RNF8: variants seen among roughly 807,000 people sequenced by gnomAD.
RNF8 encodes ring finger protein 8.
Under a neutral mutation model 59.3 loss-of-function variants are expected in RNF8, and 8 were observed. That is an observed-to-expected ratio of 0.13 (90% CI 0.08 to 0.24). The LOEUF is 0.24. Among genes scored for constraint, RNF8 ranks in the 10% least tolerant of loss-of-function variants. RNF8 has a pLI of 1.00. For synonymous variants in RNF8, 162 were observed against 200.0 expected, an observed-to-expected ratio of 0.81 and a Z score of 1.60; for missense variants, 406 against 572.6, an observed-to-expected ratio of 0.71 and a Z score of 2.97.
intron 4 of RNF8, 151 bp from the exon 5 acceptor site, chr6:37,374,469 A>G: frequency 1.6e-6 from 1 of 607,888 alleles, no homozygotes; most frequent in South Asian, 2.0e-5. Context: ...AAGATAGCCC[A>G]ATGGAATAAA....
intron 7 of RNF8, among the ~76,000 whole-genome samples, chr6:37,385,855 ATTTTTTTTT>A (rs771282241): frequency 8.5e-6 from 1 of 117,196 alleles, no homozygotes; most frequent in African/African-American, 3.0e-5. Context: ...TTCCTTTGTC[ATTTTTTTTT>A]TTTTTTTTGA....
chr6:37,377,841 G>C (rs1170202483), intron 6 of RNF8, among the ~76,000 whole-genome samples: 2 of 152,236 alleles, frequency 1.3e-5, no homozygotes, highest in Non-Finnish European at 2.9e-5. Flanking sequence ...CAGGGACTCT[G>C]AGGCTCCTTA....
intron 1 of RNF8, 147 bp downstream of exon 1, chr6:37,354,422 T>G (rs1444795594): frequency 1.6e-4 from 83 of 510,922 alleles, no homozygotes; most frequent in African/African-American, 6.8e-4. Flanking sequence ...GTGGGGGGGG[T>G]GGATTCCTGG....
In RNF8 at chr6:37,368,752, C is replaced by T; in HGVS notation, c.509C>T (p.Ser170Leu). ...ELAGPGAEGP[S>L]NLKSKINKVS... ...GCAGGTCCTGGAGCTGAAGGCCCCT[C>T]AAATTTGAAATCCAAAATAAATAAA... The change falls in exon 3 of 8, where the codon TCA becomes TTA. Residue 170 changes from serine to leucine, a missense_variant. Coordinates refer to ENST00000373479, the MANE Select transcript of RNF8 (RefSeq NM_003958.4). 6.2e-7 allele frequency: 1 copy of T among 1,614,184 alleles called. No homozygotes were observed. The highest frequency in any genetic ancestry group is 8.5e-7 in the Non-Finnish European group (1 of 1,180,050).
intron 7 of RNF8, among the ~76,000 whole-genome samples, chr6:37,384,534 T>G (rs528280565): frequency 1.3e-5 from 2 of 152,324 alleles, no homozygotes; most frequent in African/African-American, 4.8e-5. Context: ...TGTGAACTAT[T>G]GTGTGAATCT....
At chr6:37,362,636 G>C (rs1390114591) in intron 2 of RNF8, among the ~76,000 whole-genome samples, 1 of 152,130 alleles carries the variant, frequency 6.6e-6, no homozygotes, top group Non-Finnish European at 1.5e-5. Context: ...CTTCCTCCTG[G>C]CATGATGCCA....
chr6:37,355,508 CA>C (rs1288779175), intron 1 of RNF8, among the ~76,000 whole-genome samples: 55 of 152,228 alleles, frequency 3.6e-4, no homozygotes, highest in African/African-American at 1.3e-3. Context: ...TACAATGAAG[CA>C]GTCATCGTAT....
chr6:37,386,553 G>A (rs535228518), intron 7 of RNF8, among the ~76,000 whole-genome samples: 1 of 152,316 alleles, frequency 6.6e-6, no homozygotes, highest in East Asian at 1.9e-4. Flanking sequence ...CCAGAGTTGA[G>A]AGATCCAGGG....
chr6:37,384,131 A>ATTTTT (rs70977654), intron 7 of RNF8, among the ~76,000 whole-genome samples: 4 of 124,032 alleles, frequency 3.2e-5, no homozygotes, highest in African/African-American at 1.2e-4. Context: ...CCTTGCTACT[A>ATTTTT]TTTTTTTTTT....
intron 2 of RNF8, chr6:37,361,184 T>C (rs1053239236): frequency 1.6e-4 from 71 of 452,128 alleles, no homozygotes; most frequent in African/African-American, 1.3e-3. Context: ...GTACCTAATG[T>C]GCTGGGTGTG....
chr6:37,390,657 CAG>C, intron 7 of RNF8, 83 bp from the exon 8 acceptor site: 1 of 944,450 alleles, frequency 1.1e-6, no homozygotes, highest in Admixed American at 1.8e-5. Context: ...GAGGAAGAGA[CAG>C]GGTGGCGAGG....
intron 2 of RNF8, among the ~76,000 whole-genome samples, chr6:37,366,393 C>T (rs1254284833): frequency 2.0e-5 from 3 of 152,200 alleles, no homozygotes; most frequent in Non-Finnish European, 4.4e-5. Context: ...CCATCCCTCT[C>T]TGTTGTTATT....
At chr6:37,355,338 G>C (rs1344344720) in intron 1 of RNF8, among the ~76,000 whole-genome samples, 5 of 152,220 alleles carry the variant, frequency 3.3e-5, no homozygotes, top group Non-Finnish European at 2.9e-5. Context: ...AGTATTTTGA[G>C]TCTCATGTGT....
At chr6:37,361,415 A>C (rs192582659) in intron 2 of RNF8, 66 of 454,284 alleles carry the variant, frequency 1.5e-4, no homozygotes, top group Non-Finnish European at 2.7e-4. Flanking sequence ...TGTGCTCATC[A>C]ACAAAGGGAT....
chr6:37,376,306 G>T (rs548532301), intron 5 of RNF8, among the ~76,000 whole-genome samples: 1 of 152,268 alleles, frequency 6.6e-6, no homozygotes, highest in East Asian at 1.9e-4. Context: ...TTTTGGGGAA[G>T]GAGACAGAAT....
At chr6:37,378,600 C>CAAAAAAAAAAA (rs554259061) in intron 6 of RNF8, among the ~76,000 whole-genome samples, 1 of 56,554 alleles carries the variant, frequency 1.8e-5, no homozygotes, top group Non-Finnish European at 4.1e-5. Flanking sequence ...GACTCCGTCT[C>CAAAAAAAAAAA]AAAAAAAAAA....
At chr6:37,356,720 G>A (rs2113812356) in intron 1 of RNF8, among the ~76,000 whole-genome samples, 1 of 152,264 alleles carries the variant, frequency 6.6e-6, no homozygotes, top group Admixed American at 6.5e-5. Flanking sequence ...GGGAAAGGAT[G>A]GTTATATTTA....
rs777563209 is a variant in RNF8, at chr6:37,360,406, A to C, written c.112-40A>C. On this transcript the variant is annotated intron_variant, in intron 1 of 7. Transcript: ENST00000373479. This position sits in a 1 kb window ranked among gnomAD's most constrained non-coding sequence, Gnocchi z 4.2. ...TGTAAAGGACCTCCCTTTTCAGCAC[A>C]ATGACTGATGGTATTTCTTGCATTG... 1.3e-4 allele frequency: 213 copies of C among 1,610,342 alleles called. No individual in the cohort carries two copies. Among genetic ancestry groups the C allele is most frequent in the Non-Finnish European group, 1.7e-4 (203 of 1,178,422 alleles).
At position 37,392,787 on chromosome 6, in the gene RNF8, TAGAG is replaced by T. The variant is rs1190465298; in HGVS notation, c.*2033_*2036del. 2.5e-6 allele frequency: 1 copy of T among 397,768 alleles called. No individual in the cohort carries two copies. Among genetic ancestry groups the T allele is most frequent in the African/African-American group, 2.1e-5 (1 of 48,628 alleles). The allele number at this position is 397,768 out of a possible 1,614,324, so 24.6% of individuals were successfully genotyped here. On this transcript the variant is annotated 3_prime_UTR_variant, in exon 8 of 8. Coordinates refer to ENST00000373479, the MANE Select transcript of RNF8 (RefSeq NM_003958.4). ...GTTAACACCCTTGTACATATATCTTTAGAGAGAAGATATTTTAAAAAGAAATACC... is the reference window on the plus strand; with the variant it reads ...GTTAACACCCTTGTACATATATCTTTAGAAGATATTTTAAAAAGAAATACC...
Sources: gnomAD v4.1 joint callset for allele counts (sites outside exome capture counted in the v4.1 genomes callset) on GRCh38, gnomAD v4.1.1 for gene constraint, Gnocchi (gnomAD v3.1) non-coding constraint, MANE v1.5 for transcripts, NCBI Gene and HGNC (gene_info 2026-07-23, HGNC 2026-07-21) for gene names.